The following AFTPH variants were observed in gnomAD, a reference collection of about 807,000 sequenced individuals.
AFTPH encodes the protein aftiphilin.
AFTPH carries 7 observed loss-of-function variants against 72.5 expected under a neutral mutation model. The ratio of observed to expected loss-of-function variants is 0.10; its 90% CI spans 0.05 to 0.18. AFTPH has a LOEUF of 0.18. Ranked by LOEUF, AFTPH falls within the 10% of genes least tolerant of loss-of-function variation. AFTPH has a pLI of 1.00. For synonymous variants in AFTPH, 337 were observed against 370.1 expected (o/e 0.91, Z 1.03); for missense variants, 979 against 1,060.5 (o/e 0.92, Z 1.07).
At chr2:64,526,128 C>T (rs1669248130) in intron 1 of AFTPH, among the ~76,000 whole-genome samples, 1 of 152,156 alleles carries the variant, frequency 6.6e-6, no homozygotes, top group Non-Finnish European at 1.5e-5. Context: ...AAAAATAATC[C>T]CGTATCACAA....
At chr2:64,571,022 G>A (rs1481068427) in intron 5 of AFTPH, among the ~76,000 whole-genome samples, 1 of 138,656 alleles carries the variant, frequency 7.2e-6, no homozygotes, top group Non-Finnish European at 1.5e-5. Context: ...GAATTTAAAT[G>A]TATCTCGCCC....
chr2:64,579,410 A>T, intron 6 of AFTPH, 76 bp from the exon 7 acceptor site: 74 of 988,306 alleles, frequency 7.5e-5, no homozygotes, highest in East Asian at 2.2e-4. Context: ...TCTTGCTATA[A>T]TTTTTTTTTT....
chr2:64,549,304 C>G (rs1027539782), intron 1 of AFTPH, among the ~76,000 whole-genome samples: 1 of 133,244 alleles, frequency 7.5e-6, no homozygotes, highest in African/African-American at 3.0e-5. Flanking sequence ...GCTGTTAGTC[C>G]TCCCTTTTTT....
At chr2:64,532,444 G>C (rs1207404846) in intron 1 of AFTPH, among the ~76,000 whole-genome samples, 2 of 152,216 alleles carry the variant, frequency 1.3e-5, no homozygotes, top group Non-Finnish European at 2.9e-5. Flanking sequence ...AGGGAGATTA[G>C]TTTAGATGAT....
At chr2:64,530,797 C>T (rs180965126) in intron 1 of AFTPH, among the ~76,000 whole-genome samples, 181 of 152,128 alleles carry the variant, frequency 1.2e-3, no homozygotes, top group African/African-American at 4.1e-3. Context: ...TGTGGTGGCT[C>T]ACACCTGTAA....
At chr2:64,586,809 A>G (rs1395523964) in intron 8 of AFTPH, among the ~76,000 whole-genome samples, 4 of 152,196 alleles carry the variant, frequency 2.6e-5, no homozygotes, top group Admixed American at 2.6e-4. Context: ...TTTCCAAATA[A>G]ATCACTTCTT....
At chr2:64,535,387 A>T (rs1669834172) in intron 1 of AFTPH, among the ~76,000 whole-genome samples, 5 of 152,228 alleles carry the variant, frequency 3.3e-5, no homozygotes, top group Admixed American at 3.3e-4. Flanking sequence ...AGGGGAAAAA[A>T]ACATGGAAAC....
At chr2:64,592,900 G>A (rs1673903432) in exon 9 of AFTPH, 1 of 152,624 alleles carries the variant, frequency 6.6e-6, no homozygotes, top group Admixed American at 6.5e-5. Flanking sequence ...AGAGAGACAT[G>A]TAGAAGAACC....
intron 1 of AFTPH, among the ~76,000 whole-genome samples, chr2:64,528,410 G>A (rs1393215117): frequency 6.6e-6 from 1 of 152,148 alleles, no homozygotes; most frequent in African/African-American, 2.4e-5. Context: ...GTTTCTTTAT[G>A]TATATATGTA....
intron 1 of AFTPH, among the ~76,000 whole-genome samples, chr2:64,542,250 C>A (rs192293291): frequency 2.6e-5 from 4 of 152,132 alleles, no homozygotes. Context: ...CTCCACCCCC[C>A]TCAAATGTGA....
At chr2:64,552,317 G>A in exon 2 of AFTPH, 2 of 1,614,100 alleles carry the variant, frequency 1.2e-6, no homozygotes, top group Non-Finnish European at 1.7e-6. Flanking sequence ...AAGTGGCTTT[G>A]GGTAGAAGCT....
At chr2:64,543,253 T>C (rs188954705) in intron 1 of AFTPH, among the ~76,000 whole-genome samples, 1 of 152,368 alleles carries the variant, frequency 6.6e-6, no homozygotes, top group East Asian at 1.9e-4. Flanking sequence ...CTTGTAGGAA[T>C]TCTTTCCATA....
intron 6 of AFTPH, among the ~76,000 whole-genome samples, chr2:64,574,049 C>G (rs1672625008): frequency 6.6e-6 from 1 of 152,164 alleles, no homozygotes; most frequent in African/African-American, 2.4e-5. Flanking sequence ...AGTCTTCTCT[C>G]ACTTTTTGTT....
intron 7 of AFTPH, chr2:64,580,173 G>T (rs1350563053): frequency 6.6e-6 from 1 of 152,574 alleles, no homozygotes; most frequent in Non-Finnish European, 1.5e-5. Flanking sequence ...TGTAATGTGG[G>T]CTCTTTAAAA....
At chr2:64,548,407 G>GAAAAAAAAAAAAAA (rs57995634) in intron 1 of AFTPH, among the ~76,000 whole-genome samples, 2 of 59,990 alleles carry the variant, frequency 3.3e-5, no homozygotes, top group Non-Finnish European at 6.6e-5. Flanking sequence ...CTCAAAAAAA[G>GAAAAAAAAAAAAAA]AAAAAAAAAA....
intron 6 of AFTPH, among the ~76,000 whole-genome samples, chr2:64,576,947 C>T (rs1054624297): frequency 1.3e-5 from 2 of 152,000 alleles, no homozygotes; most frequent in Admixed American, 6.6e-5. Flanking sequence ...TTAGTAGAGA[C>T]GGGGTTTCAC....
At chr2:64,571,341 C>T (rs1164245974) in intron 5 of AFTPH, among the ~76,000 whole-genome samples, 1 of 151,826 alleles carries the variant, frequency 6.6e-6, no homozygotes, top group African/African-American at 2.4e-5. Context: ...CAAGGTGACA[C>T]AGAAGCTGCT....
chr2:64,561,537 C>G (rs1671744319), intron 2 of AFTPH, among the ~76,000 whole-genome samples: 1 of 152,090 alleles, frequency 6.6e-6, no homozygotes, highest in Non-Finnish European at 1.5e-5. Context: ...TAAAAATTAG[C>G]CAGGCCTGGT....
chr2:64,547,079 T>C (rs1315780602), intron 1 of AFTPH, among the ~76,000 whole-genome samples: 2 of 152,042 alleles, frequency 1.3e-5, no homozygotes, highest in Non-Finnish European at 1.5e-5. Flanking sequence ...ACATACATAC[T>C]ACCATCACAA....
Sources: gnomAD v4.1 joint callset for allele counts (sites outside exome capture counted in the v4.1 genomes callset) on GRCh38, gnomAD v4.1.1 for gene constraint, MANE v1.5 for transcripts, NCBI Gene and HGNC (gene_info 2026-07-23, HGNC 2026-07-21) for gene names.